EXO1: variants seen among roughly 807,000 people sequenced by gnomAD.
The protein encoded by EXO1 is exonuclease 1.
A neutral mutation model predicts 84.5 loss-of-function variants in EXO1; 69 were observed. The ratio of observed to expected loss-of-function variants is 0.82; its 90% CI spans 0.67 to 1.00. The LOEUF (loss-of-function observed/expected upper bound fraction) is 1.00, where lower values mean the gene tolerates loss of function less well. Among genes scored for constraint, EXO1 ranks in the 50% least tolerant of loss-of-function variants. EXO1 has a pLI of 0.00. For synonymous variants in EXO1, 373 were observed against 366.1 expected, an observed-to-expected ratio of 1.02 and a Z score of -0.21; for missense variants, 1,045 against 1,000.7, an observed-to-expected ratio of 1.04 and a Z score of -0.60.
intron 14 of EXO1, among the ~76,000 whole-genome samples, chr1:241,883,077 C>T (rs1224979290): frequency 6.6e-6 from 1 of 152,160 alleles, no homozygotes; most frequent in Non-Finnish European, 1.5e-5. Context: ...TTAGCTCTTA[C>T]TGGTAGAAAT....
chr1:241,888,978 A>G (rs1481404035), intron 15 of EXO1, among the ~76,000 whole-genome samples: 4 of 152,166 alleles, frequency 2.6e-5, no homozygotes, highest in South Asian at 2.1e-4. Context: ...GGGCTGAGGC[A>G]AGATAATCGC....
chr1:241,871,161 C>T (rs1360838835), intron 11 of EXO1, among the ~76,000 whole-genome samples: 1 of 152,142 alleles, frequency 6.6e-6, no homozygotes, highest in Non-Finnish European at 1.5e-5. Context: ...TCTTCTTCTG[C>T]AAGGACTCAC....
Position 241,889,665 on chromosome 1 carries a change from AATGAGGCACTTATCAGC to A in EXO1, c.*70_*86del. 1.3e-6 allele frequency: 2 copies of A among 1,495,008 alleles called. No homozygotes were observed. The highest frequency in any genetic ancestry group is 1.9e-6 in the Non-Finnish European group (2 of 1,072,382). 92.6% of individuals were successfully genotyped at this position (1,495,008 alleles called of 1,614,324 possible). On this transcript the variant is annotated 3_prime_UTR_variant, in exon 16 of 16. Coordinates refer to ENST00000366548, the MANE Select transcript of EXO1 (RefSeq NM_130398.4). Reference sequence around the variant, plus strand: ...GATCAATTTGAAGTCCCTGTTTGGGAATGAGGCACTTATCAGCATGAAGAATTTTTTCTCATTCTGTG... The same window carrying A: ...GATCAATTTGAAGTCCCTGTTTGGGAATGAAGAATTTTTTCTCATTCTGTG...
Position 241,883,873 on chromosome 1 carries a change from T to G in EXO1, c.2212-1441T>G, listed in dbSNP as rs1662903542. Among the ~76,000 whole-genome samples the G allele has an allele frequency of 2.0e-5, 3 of 152,160 alleles. No individual in the cohort carries two copies. In the South Asian group the frequency reaches 6.2e-4, roughly 31 times the overall value. The stretch of plus-strand genomic sequence containing the variant: ...ATAGAACTGGAGATGTAGAAAGTAC[T>G]TTTCCTGAAGGAGTTATGTCTAGAT... On this transcript the variant is annotated intron_variant, in intron 14 of 15. Transcript: ENST00000366548.
chr1:241,871,959 T>A, intron 11 of EXO1, 73 bp from the exon 12 acceptor site: 5 of 1,087,702 alleles, frequency 4.6e-6, no homozygotes, highest in Non-Finnish European at 7.0e-6. Context: ...CAATGGGATA[T>A]AAACTGAAGT....
chr1:241,875,734 C>A (rs1776142), intron 12 of EXO1, among the ~76,000 whole-genome samples: 1 of 152,170 alleles, frequency 6.6e-6, no homozygotes, highest in Middle Eastern at 3.2e-3. Flanking sequence ...AAAAATTAGC[C>A]GGGCGTGGTG....
At chr1:241,886,785 A>G (rs947946975) in intron 15 of EXO1, among the ~76,000 whole-genome samples, 9 of 152,216 alleles carry the variant, frequency 5.9e-5, no homozygotes, top group Admixed American at 1.3e-4. Context: ...GTACATTTAA[A>G]AAATAAATAG....
chr1:241,878,826 C>T lies in EXO1; in HGVS notation c.1592C>T (p.Thr531Ile). Reference sequence around the variant, plus strand: ...CAGCCTCTGGATGAAACTGCTGTCACAGATAAAGAGAACAATCTGCATGAA... The same window carrying T: ...CAGCCTCTGGATGAAACTGCTGTCATAGATAAAGAGAACAATCTGCATGAA... ...SIQPLDETAVTDKENNLHESE... is the reference protein window; with the variant it reads ...SIQPLDETAVIDKENNLHESE... Residue 531 changes from threonine (T) to isoleucine (I), a missense_variant, in exon 13 of 16, where the codon ACA becomes ATA. Coordinates refer to ENST00000366548, the MANE Select transcript of EXO1 (RefSeq NM_130398.4). 1.9e-6 allele frequency: 3 copies of T among 1,614,010 alleles called. No individual in the cohort carries two copies. The highest frequency in any genetic ancestry group is 1.6e-4 in the Middle Eastern group (1 of 6,062).
chr1:241,858,633 G>T lies in EXO1; in HGVS notation c.671G>T (p.Cys224Phe), dbSNP rs1338739050. 1 of 1,613,972 alleles carries T rather than the reference G, an allele frequency of 6.2e-7. No individual in the cohort carries two copies. The highest frequency in any genetic ancestry group is 1.3e-5 in the African/African-American group (1 of 74,930). ...KFRYMCILSG[C>F]DYLSSLRGIG... ...CGTTACATGTGTATTCTTTCAGGTT[G>T]TGACTACCTGTCATCACTGCGTGGG... The change falls in exon 8 of 16, where the codon TGT becomes TTT. Residue 224 changes from cysteine to phenylalanine, a missense_variant. By Grantham distance (205) the Cys-to-Phe change is radical. Coordinates refer to ENST00000366548, the MANE Select transcript of EXO1 (RefSeq NM_130398.4).
intron 4 of EXO1, 36 bp downstream of exon 4, chr1:241,850,622 A>G (rs1305095366): frequency 6.3e-7 from 1 of 1,576,140 alleles, no homozygotes; most frequent in Non-Finnish European, 8.7e-7. Context: ...TTTGACAATT[A>G]AGAATGAGAC....
intron 7 of EXO1, among the ~76,000 whole-genome samples, chr1:241,857,940 A>G (rs1018135113): frequency 1.3e-5 from 2 of 152,174 alleles, no homozygotes; most frequent in East Asian, 3.9e-4. Context: ...TTCATGGAAA[A>G]CTTTATTTAG....
At chr1:241,853,923 T>C (rs1302566491) in intron 6 of EXO1, among the ~76,000 whole-genome samples, 1 of 152,090 alleles carries the variant, frequency 6.6e-6, no homozygotes, top group East Asian at 1.9e-4. Flanking sequence ...TCTCCTACAG[T>C]CTTCAACACT....
intron 15 of EXO1, 69 bp downstream of exon 15, chr1:241,885,576 C>T: frequency 8.7e-7 from 1 of 1,148,456 alleles, no homozygotes; most frequent in Non-Finnish European, 1.3e-6. Flanking sequence ...ATCCCTTTCT[C>T]CCAACTCTTC....
chr1:241,869,089 A>G (rs903935342), intron 11 of EXO1, among the ~76,000 whole-genome samples: 32 of 152,072 alleles, frequency 2.1e-4, no homozygotes, highest in African/African-American at 7.7e-4. Context: ...TCTTTTTCTT[A>G]GTATAAGAAT....
chr1:241,888,623 G>A (rs1173775414), intron 15 of EXO1, among the ~76,000 whole-genome samples: 1 of 152,230 alleles, frequency 6.6e-6, no homozygotes, highest in Admixed American at 6.5e-5. Flanking sequence ...GGGTGCAACA[G>A]TATTCTTAAA....
chr1:241,854,298 C>T (rs369357529), intron 6 of EXO1, among the ~76,000 whole-genome samples: 3 of 152,118 alleles, frequency 2.0e-5, no homozygotes, highest in East Asian at 1.9e-4. Flanking sequence ...CCACCACGCC[C>T]GGCTACTTTT....
rs76146934 is a variant in EXO1 at position 241,859,195 on chromosome 1, A to G, written c.756+477A>G. ...TTCACTTAAACTTTATAATAAACTCATTACATGTTAGCATAAATAGCATGC... is the reference window on the plus strand; with the variant it reads ...TTCACTTAAACTTTATAATAAACTCGTTACATGTTAGCATAAATAGCATGC... On this transcript the variant is annotated intron_variant, in intron 8 of 15. Transcript: ENST00000366548. 9.0e-3 allele frequency among the ~76,000 whole-genome samples: 1,378 copies of G among 152,358 alleles called. 23 individuals carry two copies. The highest frequency in any genetic ancestry group is 0.032 in the African/African-American group (1,314 of 41,586).
chr1:241,882,954 A>C (rs1474934464), intron 14 of EXO1, among the ~76,000 whole-genome samples: 2 of 152,204 alleles, frequency 1.3e-5, no homozygotes, highest in Non-Finnish European at 2.9e-5. Flanking sequence ...AGCCTAAGGA[A>C]ACATTGAGAA....
In EXO1 at chr1:241,872,235, A is replaced by G. The variant is rs148666404; in HGVS notation, c.1471A>G (p.Asn491Asp). 8.1e-6 allele frequency: 13 copies of G among 1,614,144 alleles called. No homozygotes were observed. The highest frequency in any genetic ancestry group is 1.1e-5 in the Non-Finnish European group (13 of 1,180,002). ...NKFATFLQRK[N>D]EESGAVVVPG... The stretch of plus-strand genomic sequence containing the variant: ...ATTTGCAACATTTTTACAAAGGAAA[A>G]ATGAAGAAAGTGGTGCAGTTGTGGT... The change falls in exon 12 of 16, where the codon AAT becomes GAT. Residue 491 changes from asparagine (N) to aspartate (D), a missense_variant. Asn to Asp is a conservative substitution (Grantham distance 23). Transcript: ENST00000366548.
Sources: gnomAD v4.1 joint callset for allele counts (sites outside exome capture counted in the v4.1 genomes callset) on GRCh38, gnomAD v4.1.1 for gene constraint, MANE v1.5 for transcripts, NCBI Gene and HGNC (gene_info 2026-07-23, HGNC 2026-07-21) for gene names.